PARN: variants seen among roughly 807,000 people sequenced by gnomAD.
The protein encoded by PARN is poly(A)-specific ribonuclease, also known as poly(A)-specific ribonuclease PARN.
In PARN, 71 loss-of-function variants were observed where a neutral mutation model predicts 102.8. The observed-to-expected ratio is 0.69, with a 90% CI of 0.57 to 0.84. The LOEUF (loss-of-function observed/expected upper bound fraction) is 0.84, where lower values mean the gene tolerates loss of function less well. Among genes scored for constraint, PARN ranks in the 40% least tolerant of loss-of-function variants. The probability of loss-of-function intolerance (pLI) is 0.00; values close to 1 mark genes in which losing one functional copy is unlikely to be tolerated. For synonymous variants in PARN, 261 were observed against 252.9 expected, an observed-to-expected ratio of 1.03 and a Z score of -0.30; for missense variants, 782 against 760.9, an observed-to-expected ratio of 1.03 and a Z score of -0.33.
intron 16 of PARN, among the ~76,000 whole-genome samples, chr16:14,582,715 C>T (rs1245561463): frequency 1.3e-5 from 2 of 152,028 alleles, no homozygotes; most frequent in African/African-American, 4.8e-5. Context: ...GCTCTGGAGT[C>T]ACACTGAGTT....
chr16:14,503,697 C>T (rs1010269116), intron 21 of PARN, among the ~76,000 whole-genome samples: 7 of 152,214 alleles, frequency 4.6e-5, no homozygotes, highest in African/African-American at 1.7e-4. Flanking sequence ...GGTCACCTGC[C>T]TCAGGGTGGT....
intron 21 of PARN, among the ~76,000 whole-genome samples, chr16:14,494,410 A>C (rs1964206616): frequency 6.6e-6 from 1 of 152,108 alleles, no homozygotes; most frequent in South Asian, 2.1e-4. Flanking sequence ...TCCCATGGGG[A>C]AATGACCACA....
At chr16:14,481,120 CTT>C (rs1452608157) in intron 22 of PARN, among the ~76,000 whole-genome samples, 1 of 152,116 alleles carries the variant, frequency 6.6e-6, no homozygotes, top group African/African-American at 2.4e-5. Flanking sequence ...TTAACACAAA[CTT>C]ATCCTAAAAA....
chr16:14,537,089 T>C (rs1014932718), intron 21 of PARN, among the ~76,000 whole-genome samples: 3 of 152,088 alleles, frequency 2.0e-5, no homozygotes, highest in Admixed American at 1.3e-4. Context: ...GACAATTCAA[T>C]GGCAAAGAAC....
At chr16:14,595,006 C>T (rs995524739) in intron 12 of PARN, among the ~76,000 whole-genome samples, 2 of 152,110 alleles carry the variant, frequency 1.3e-5, no homozygotes, top group African/African-American at 4.8e-5. Flanking sequence ...TAAATGACTA[C>T]CATAACCACA....
At chr16:14,616,834 A>G in intron 6 of PARN, among the ~76,000 whole-genome samples, 1 of 152,284 alleles carries the variant, frequency 6.6e-6, no homozygotes, top group South Asian at 2.1e-4. Context: ...ACTAGCTGGA[A>G]AAGAGGGTTT....
In PARN at chr16:14,574,430, C is replaced by T. The variant is rs1044923129; in HGVS notation, c.1262+6444G>A. 3.9e-5 allele frequency among the ~76,000 whole-genome samples: 6 copies of T among 152,146 alleles called. No homozygotes were observed. The South Asian group carries it at 1.2e-3, about 32-fold the overall frequency. On this transcript the variant is annotated intron_variant, in intron 18 of 23. Coordinates refer to ENST00000437198, the MANE Select transcript of PARN (RefSeq NM_002582.4). ...CTGACAATGTGATAGACAAGAAAATCCTGGCCGGGCATGGTGGCTCATGCC... is the reference window on the plus strand; with the variant it reads ...CTGACAATGTGATAGACAAGAAAATTCTGGCCGGGCATGGTGGCTCATGCC...
rs746767566 is a variant in PARN at position 14,482,833 on chromosome 16, A to C, written c.1481-6T>G. 1.1e-5 allele frequency: 17 copies of C among 1,587,370 alleles called. No individual in the cohort carries two copies. The highest frequency in any genetic ancestry group is 1.4e-5 in the Non-Finnish European group (16 of 1,170,586). On this transcript the variant is annotated splice_polypyrimidine_tract_variant and splice_region_variant and intron_variant, in intron 21 of 23. Transcript: ENST00000437198. ...ATATTTGCTGGTATTGACAGCTACA[A>C]GGAAAAGAAAAAAAAATAAAATGCT... is the stretch of plus-strand genomic sequence containing the variant.
intron 18 of PARN, among the ~76,000 whole-genome samples, chr16:14,573,094 C>A (rs1968906858): frequency 6.6e-6 from 1 of 151,922 alleles, no homozygotes; most frequent in Non-Finnish European, 1.5e-5. Context: ...TGTTCCCCTG[C>A]CTGGTTTCAA....
At chr16:14,563,757 G>A (rs1275929926) in intron 18 of PARN, among the ~76,000 whole-genome samples, 1 of 149,896 alleles carries the variant, frequency 6.7e-6, no homozygotes, top group East Asian at 2.0e-4. Context: ...ATCAGCAAAT[G>A]AGGAACACTG....
At chr16:14,617,200 C>A (rs1411192512) in intron 6 of PARN, among the ~76,000 whole-genome samples, 1 of 150,566 alleles carries the variant, frequency 6.6e-6, no homozygotes, top group Non-Finnish European at 1.5e-5. Context: ...CTGGCTAACA[C>A]GGTGAAACCC....
rs528976947 is a variant in PARN, at chr16:14,532,528, TAGTAC to T, written c.1480+19488_1480+19492del. On this transcript the variant is annotated intron_variant, in intron 21 of 23. Coordinates refer to ENST00000437198, the MANE Select transcript of PARN (RefSeq NM_002582.4). ...AGATAAACAGGATAAGAATTTTTCT[TAGTAC>T]AGAGCAAAACGAAAAGTCTCCCATG... Among the ~76,000 whole-genome samples the T allele has an allele frequency of 1.4e-3, 197 of 137,342 alleles. 5 individuals carry two copies. The South Asian group carries it at 0.041, about 29-fold the overall frequency. 90.1% of individuals were successfully genotyped at this position (137,342 alleles called of 152,430 possible). A position where few individuals can be genotyped will look rare whatever the true frequency, so the allele number is the denominator to read the frequency against.
intron 21 of PARN, among the ~76,000 whole-genome samples, chr16:14,531,651 A>T (rs1399149017): frequency 6.6e-6 from 1 of 152,170 alleles, no homozygotes; most frequent in Non-Finnish European, 1.5e-5. Context: ...TACGTCCGTC[A>T]ATTTCATCTA....
At chr16:14,617,382 C>CAAAAAA (rs66483121) in intron 6 of PARN, among the ~76,000 whole-genome samples, 1 of 91,886 alleles carries the variant, frequency 1.1e-5, no homozygotes, top group African/African-American at 4.3e-5. Context: ...AGACTCTTCT[C>CAAAAAA]AAAAAAAAAA....
At chr16:14,513,012 C>T (rs1965280286) in intron 21 of PARN, among the ~76,000 whole-genome samples, 1 of 152,128 alleles carries the variant, frequency 6.6e-6, no homozygotes, top group African/African-American at 2.4e-5. Context: ...GCAACCTTTA[C>T]CTCCAGGATT....
chr16:14,445,056 G>C (rs1207284018), intron 23 of PARN, among the ~76,000 whole-genome samples: 3 of 135,022 alleles, frequency 2.2e-5, no homozygotes, highest in African/African-American at 8.6e-5. Context: ...TCAAACTCCC[G>C]GGCTCAGGTC....
chr16:14,467,595 A>T (rs543015373), intron 22 of PARN, among the ~76,000 whole-genome samples: 48 of 152,236 alleles, frequency 3.2e-4, no homozygotes, highest in Non-Finnish European at 6.6e-4. Context: ...TTTCTGCAGC[A>T]TTGCATGATA....
rs556066066 is a variant in PARN, at chr16:14,616,350, T to G, written c.388+1240A>C. On this transcript the variant is annotated intron_variant, in intron 6 of 23. Coordinates refer to ENST00000437198, the MANE Select transcript of PARN (RefSeq NM_002582.4). ...AAGACACAATCCCTTCCTCAGGTGC[T>G]CCCCAGGCCATCACTCTAGCAAGTT... is the stretch of plus-strand genomic sequence containing the variant. 6.8e-4 allele frequency among the ~76,000 whole-genome samples: 103 copies of G among 152,316 alleles called. No homozygotes were observed. In the South Asian group the frequency reaches 0.013, roughly 19 times the overall value.
At chr16:14,540,991 C>T (rs1966823670) in intron 21 of PARN, among the ~76,000 whole-genome samples, 1 of 151,778 alleles carries the variant, frequency 6.6e-6, no homozygotes, top group Non-Finnish European at 1.5e-5. Flanking sequence ...AGGGTTACAA[C>T]TAAAAAGCAC....
Sources: gnomAD v4.1 joint callset for allele counts (sites outside exome capture counted in the v4.1 genomes callset) on GRCh38, gnomAD v4.1.1 for gene constraint, MANE v1.5 for transcripts, NCBI Gene and HGNC (gene_info 2026-07-23, HGNC 2026-07-21) for gene names.